The following ADAM9 variants were observed in gnomAD, a reference collection of about 807,000 sequenced individuals.
The protein encoded by ADAM9 is ADAM metallopeptidase domain 9.
In ADAM9, 54 loss-of-function variants were observed where a neutral mutation model predicts 108.1. That is an observed-to-expected ratio of 0.50 (90% CI 0.40 to 0.63). The LOEUF (loss-of-function observed/expected upper bound fraction) is 0.63. ADAM9 is among the 20% of genes least tolerant of loss of function. The probability of loss-of-function intolerance (pLI) is 0.00; values close to 1 mark genes in which losing one functional copy is unlikely to be tolerated. For synonymous variants in ADAM9, 316 were observed against 336.0 expected, an observed-to-expected ratio of 0.94 and a Z score of 0.65; for missense variants, 830 against 997.7, an observed-to-expected ratio of 0.83 and a Z score of 2.26.
Position 39,077,323 on chromosome 8 carries a change from C to T in ADAM9, c.1793C>T (p.Thr598Ile), listed in dbSNP as rs1838879766. The change falls in exon 16 of 22, where the codon ACC (threonine) becomes ATC (isoleucine). Residue 598 changes from threonine to isoleucine, a missense_variant. This residue lies in a region of ADAM9 where 381 missense variants were observed against 539.8 expected (regional missense o/e 0.71). Coordinates refer to ENST00000487273, the MANE Select transcript of ADAM9 (RefSeq NM_003816.3). ...PAIIQTPSRG[T>I]KCWGVDFQLG... ...ATTATTCAAACGCCTAGTCGAGGCA[C>T]CAAATGTTGGGGTGTGGATTTCCAG... The T allele has an allele frequency of 1.2e-6, 2 of 1,613,944 alleles. No homozygotes were observed. The highest frequency in any genetic ancestry group is 2.2e-5 in the East Asian group (1 of 44,880).
At chr8:39,090,807 A>G (rs1045623220) in intron 19 of ADAM9, among the ~76,000 whole-genome samples, 3 of 152,248 alleles carry the variant, frequency 2.0e-5, no homozygotes, top group Non-Finnish European at 2.9e-5. Context: ...AACTACAGCT[A>G]TCTTTCATAC....
intron 11 of ADAM9, 145 bp downstream of exon 11, chr8:39,026,955 A>C: frequency 9.7e-7 from 1 of 1,036,038 alleles, no homozygotes; most frequent in Non-Finnish European, 1.4e-6. Flanking sequence ...TACCAATGAG[A>C]AGTCTTTTTT....
At chr8:39,097,738 C>G (rs529881912) in intron 20 of ADAM9, among the ~76,000 whole-genome samples, 11 of 152,310 alleles carry the variant, frequency 7.2e-5, no homozygotes, top group African/African-American at 2.6e-4. Context: ...GACTGTGAGC[C>G]AAACTGCCCA....
At chr8:39,060,551 C>T (rs950873648) in intron 14 of ADAM9, among the ~76,000 whole-genome samples, 2 of 152,170 alleles carry the variant, frequency 1.3e-5, no homozygotes, top group Non-Finnish European at 2.9e-5. Flanking sequence ...TTCTTCTTCC[C>T]CTTAGAAAGG....
chr8:39,017,155 G>A, intron 5 of ADAM9, 64 bp from the exon 6 acceptor site: 2 of 1,566,826 alleles, frequency 1.3e-6, no homozygotes, highest in Non-Finnish European at 1.8e-6. Flanking sequence ...TTGAACTTAG[G>A]TTTTCTGATT....
At chr8:39,093,365 AT>A (rs1156579886) in intron 20 of ADAM9, among the ~76,000 whole-genome samples, 2 of 151,712 alleles carry the variant, frequency 1.3e-5, no homozygotes, top group Non-Finnish European at 2.9e-5. Context: ...TCTAAATGGA[AT>A]TTTTTTTCTG....
At chr8:39,068,660 A>T (rs968247269) in intron 14 of ADAM9, among the ~76,000 whole-genome samples, 1 of 128,682 alleles carries the variant, frequency 7.8e-6, no homozygotes, top group Non-Finnish European at 1.6e-5. Context: ...GAGTGACAAG[A>T]GTGAAACTTC....
chr8:39,095,007 A>T (rs1204457532), intron 20 of ADAM9, among the ~76,000 whole-genome samples: 1 of 151,904 alleles, frequency 6.6e-6, no homozygotes, highest in Non-Finnish European at 1.5e-5. Context: ...GTTATTTGAG[A>T]TTTTTTAAAA....
intron 1 of ADAM9, among the ~76,000 whole-genome samples, chr8:38,998,767 CG>C (rs1247269653): frequency 6.6e-6 from 1 of 151,422 alleles, no homozygotes; most frequent in Non-Finnish European, 1.5e-5. Context: ...TATGGTGGGG[CG>C]GGGGGCGTAT....
intron 1 of ADAM9, among the ~76,000 whole-genome samples, chr8:39,002,651 C>T (rs1421801987): frequency 6.6e-6 from 1 of 152,052 alleles, no homozygotes; most frequent in Non-Finnish European, 1.5e-5. Flanking sequence ...TAACTCACTT[C>T]CCTGTACTAC....
intron 19 of ADAM9, 76 bp downstream of exon 19, chr8:39,090,264 T>C: frequency 7.8e-7 from 1 of 1,282,200 alleles, no homozygotes; most frequent in East Asian, 2.6e-5. Context: ...TCGACTTCCC[T>C]GGGCTCAGGT....
At chr8:39,003,551 G>GA (rs961165623) in intron 1 of ADAM9, among the ~76,000 whole-genome samples, 2 of 148,984 alleles carry the variant, frequency 1.3e-5, no homozygotes, top group Admixed American at 1.3e-4. Context: ...CAGGAAAAAA[G>GA]AAAAAAACCT....
intron 14 of ADAM9, among the ~76,000 whole-genome samples, chr8:39,056,206 A>G (rs765663364): frequency 2.6e-5 from 4 of 152,092 alleles, no homozygotes; most frequent in Non-Finnish European, 5.9e-5. Context: ...TTTTTAAAAA[A>G]TTTATGTATT....
At chr8:39,097,456 G>A (rs899256641) in intron 20 of ADAM9, among the ~76,000 whole-genome samples, 7 of 151,806 alleles carry the variant, frequency 4.6e-5, no homozygotes, top group East Asian at 1.9e-4. Flanking sequence ...ACAGGCATGC[G>A]CCACTACTCC....
At chr8:39,018,589 C>G (rs2129433328) in intron 6 of ADAM9, 1 of 480,066 alleles carries the variant, frequency 2.1e-6, no homozygotes. Flanking sequence ...GTGCAGATAG[C>G]AGATAACACT....
chr8:39,012,737 A>G (rs551361640), intron 3 of ADAM9, among the ~76,000 whole-genome samples: 1 of 152,296 alleles, frequency 6.6e-6, no homozygotes, highest in South Asian at 2.1e-4. Context: ...ATAGGTGGGA[A>G]TTGAACAATG....
At chr8:39,014,154 C>T (rs1836450167) in intron 4 of ADAM9, 111 bp downstream of exon 4, 2 of 871,336 alleles carry the variant, frequency 2.3e-6, no homozygotes, top group Non-Finnish European at 3.8e-6. Flanking sequence ...CACAGGGTAC[C>T]TTTAACATTA....
At chr8:39,095,908 A>G (rs1839488832) in intron 20 of ADAM9, among the ~76,000 whole-genome samples, 1 of 152,108 alleles carries the variant, frequency 6.6e-6, no homozygotes, top group Middle Eastern at 3.2e-3. Flanking sequence ...TTGATGTTAC[A>G]TCATTTTGTC....
At chr8:39,096,274 C>G (rs539058866) in intron 20 of ADAM9, among the ~76,000 whole-genome samples, 1 of 128,968 alleles carries the variant, frequency 7.8e-6, no homozygotes, top group Admixed American at 8.4e-5. Flanking sequence ...ATAAATTAAT[C>G]ATTTTCTTTG....
Sources: gnomAD v4.1 joint callset for allele counts (sites outside exome capture counted in the v4.1 genomes callset) on GRCh38, gnomAD v4.1.1 for gene constraint, gnomAD v4.1.1 regional missense constraint, MANE v1.5 for transcripts, NCBI Gene and HGNC (gene_info 2026-07-23, HGNC 2026-07-21) for gene names.